Variants in DNAH8 observed in about 807,000 individuals in gnomAD.
DNAH8 encodes dynein axonemal heavy chain 8.
A neutral mutation model predicts 562.1 loss-of-function variants in DNAH8; 382 were observed. The ratio of observed to expected loss-of-function variants is 0.68; its 90% CI spans 0.63 to 0.74. The LOEUF is 0.74. Among genes scored for constraint, DNAH8 ranks in the 30% least tolerant of loss-of-function variants. DNAH8 has a pLI of 0.00. For synonymous variants in DNAH8, 1,881 were observed against 1,919.4 expected (o/e 0.98, Z 0.52); for missense variants, 5,203 against 5,620.4 (o/e 0.93, Z 2.37).
intron 3 of DNAH8, among the ~76,000 whole-genome samples, chr6:38,726,885 T>C (rs113468981): frequency 0.19 from 24,219 of 128,002 alleles, 2,635 homozygotes; most frequent in Middle Eastern, 0.26. Context: ...TGAGACAGAG[T>C]CTTCCTCTGT....
At chr6:38,956,285 G>A (rs984005211) in intron 82 of DNAH8, among the ~76,000 whole-genome samples, 2 of 152,056 alleles carry the variant, frequency 1.3e-5, no homozygotes, top group African/African-American at 4.8e-5. Flanking sequence ...TGCAGTCAGG[G>A]AACTATCCTA....
Position 39,026,658 on chromosome 6 carries a change from ACCCCCTGGGG to A in DNAH8, c.13828_13836+1del, listed in dbSNP as rs1221465589. ...GACAGACCAAGGAGGAGATCACGTC[ACCCCCTGGGG>A]TAGGCGTTGCTGGGCAATAGCAGGG... On this transcript the variant is annotated splice_donor_variant and coding_sequence_variant, in exon 92 of 93. Transcript: ENST00000327475. LOFTEE classifies it high-confidence loss of function. The A allele has an allele frequency of 6.2e-7, 1 of 1,613,142 alleles. No homozygotes were observed. The highest frequency in any genetic ancestry group is 1.3e-5 in the African/African-American group (1 of 74,872).
chr6:38,816,067 A>G (rs199975019), intron 26 of DNAH8, among the ~76,000 whole-genome samples: 1 of 40,440 alleles, frequency 2.5e-5, no homozygotes, highest in Non-Finnish European at 4.4e-5. Flanking sequence ...ATTTTGTTTT[A>G]TTTTATTTTA....
At chr6:38,894,672 C>G (rs201831553) in intron 58 of DNAH8, 29 bp from the exon 59 acceptor site, 1 of 1,581,082 alleles carries the variant, frequency 6.3e-7, no homozygotes, top group Non-Finnish European at 8.7e-7. Context: ...TGAAAACTAA[C>G]TGAGAGTATT....
rs78261204 is a variant in DNAH8 at position 38,969,532 on chromosome 6, G to C, written c.12452-2060G>C. On this transcript the variant is annotated intron_variant, in intron 82 of 92. Coordinates refer to ENST00000327475, the MANE Select transcript of DNAH8 (RefSeq NM_001206927.2). ...AGGTGTGCCGTTTTAGATAGAACAA[G>C]GTCCGTCAGGAAAGTCTTGCTGACA... Among the ~76,000 whole-genome samples, 892 of 152,194 alleles carry C rather than the reference G, an allele frequency of 5.9e-3. 9 individuals are homozygous for C. Among genetic ancestry groups the C allele is most frequent in the African/African-American group, 0.02 (848 of 41,510 alleles).
intron 82 of DNAH8, among the ~76,000 whole-genome samples, chr6:38,968,532 TA>T (rs1247296135): frequency 1.3e-5 from 2 of 152,144 alleles, no homozygotes; most frequent in East Asian, 3.8e-4. Context: ...CATGAAAAGA[TA>T]CTCAGCTTTG....
At chr6:38,956,214 A>G (rs917831326) in intron 82 of DNAH8, among the ~76,000 whole-genome samples, 53 of 152,340 alleles carry the variant, frequency 3.5e-4, no homozygotes, top group African/African-American at 1.2e-3. Context: ...TGAAGGGCTC[A>G]TCAACCTCTG....
chr6:38,969,453 G>A (rs1376946279), intron 82 of DNAH8, among the ~76,000 whole-genome samples: 1 of 152,110 alleles, frequency 6.6e-6, no homozygotes, highest in African/African-American at 2.4e-5. Context: ...AATATCCTAA[G>A]AAGAAAAGTA....
intron 85 of DNAH8, among the ~76,000 whole-genome samples, chr6:38,975,192 A>G (rs904034986): frequency 2.0e-5 from 3 of 152,222 alleles, no homozygotes; most frequent in East Asian, 3.8e-4. Flanking sequence ...TTTTATGATT[A>G]CCAAGCAACT....
At chr6:38,819,142 CTT>C (rs1583090672) in intron 26 of DNAH8, among the ~76,000 whole-genome samples, 1 of 152,218 alleles carries the variant, frequency 6.6e-6, no homozygotes, top group East Asian at 1.9e-4. Flanking sequence ...CCCAGAGACT[CTT>C]TTCTTGTAGG....
Position 38,729,973 on chromosome 6 carries a change from T to G in DNAH8, c.597T>G (p.Asp199Glu). 6.4e-7 allele frequency: 1 copy of G among 1,572,478 alleles called. No homozygotes were observed. Among genetic ancestry groups the G allele is most frequent in the South Asian group, 1.1e-5 (1 of 88,668 alleles). Residue 199 changes from aspartate to glutamate, a missense_variant, in exon 4 of 93, where the codon GAT becomes GAG. Physicochemically the swap from Asp to Glu is conservative, Grantham distance 45. Around this residue, in one of 6 missense-constraint regions of DNAH8, gnomAD observed 556 missense variants for 496.9 expected, o/e 1.12. Transcript: ENST00000327475. The stretch of plus-strand genomic sequence containing the variant: ...TGAAATTTTTGTACCAAGAAGGAGA[T>G]GTACCTGGTATTGGTAAGAATTTTC... ...KTLKFLYQEGDVPGIECGRTI... is the reference protein window; with the variant it reads ...KTLKFLYQEGEVPGIECGRTI...
chr6:38,860,956 C>T (rs1218256218), intron 43 of DNAH8, among the ~76,000 whole-genome samples: 2 of 152,100 alleles, frequency 1.3e-5, no homozygotes, highest in African/African-American at 4.8e-5. Context: ...CCTTGGAGAT[C>T]ATTTAATTTA....
At chr6:38,974,747 A>G (rs775453694) in intron 85 of DNAH8, among the ~76,000 whole-genome samples, 8 of 152,162 alleles carry the variant, frequency 5.3e-5, no homozygotes, top group Non-Finnish European at 1.0e-4. Context: ...GGAATGTAAG[A>G]TTCTCCAGGG....
intron 91 of DNAH8, among the ~76,000 whole-genome samples, chr6:39,014,617 A>T (rs531483635): frequency 1.3e-5 from 2 of 152,304 alleles, no homozygotes; most frequent in East Asian, 3.9e-4. Flanking sequence ...GGACAGAGAG[A>T]TTAATTCTGC....
chr6:39,020,586 T>C (rs1321703308), intron 91 of DNAH8, among the ~76,000 whole-genome samples: 1 of 152,224 alleles, frequency 6.6e-6, no homozygotes. Context: ...TACATAAGTA[T>C]ACATGTGTCA....
intron 26 of DNAH8, among the ~76,000 whole-genome samples, chr6:38,817,687 A>G (rs1221808343): frequency 3.3e-5 from 5 of 152,174 alleles, no homozygotes; most frequent in Non-Finnish European, 4.4e-5. Flanking sequence ...TGAAGCAAAG[A>G]TATACATGGA....
chr6:38,987,366 G>T (rs1162030819), intron 87 of DNAH8, among the ~76,000 whole-genome samples: 1 of 152,162 alleles, frequency 6.6e-6, no homozygotes, highest in Admixed American at 6.5e-5. Context: ...GAGGACTAGT[G>T]AGCTGACTTC....
At chr6:38,738,790 C>G (rs143845246) in intron 7 of DNAH8, among the ~76,000 whole-genome samples, 14 of 152,268 alleles carry the variant, frequency 9.2e-5, no homozygotes, top group African/African-American at 2.6e-4. Flanking sequence ...GTCTAGAGTG[C>G]TGGCCACAGC....
At chr6:38,882,017 G>C (rs1178996383) in intron 53 of DNAH8, among the ~76,000 whole-genome samples, 5 of 152,268 alleles carry the variant, frequency 3.3e-5, no homozygotes, top group African/African-American at 1.2e-4. Flanking sequence ...GGTTTCTCCA[G>C]ATGGGTGAGT....
Sources: allele counts gnomAD v4.1 joint callset (sites outside exome capture counted in the v4.1 genomes callset), GRCh38; gene constraint gnomAD v4.1.1; regional missense constraint gnomAD v4.1.1; transcripts MANE v1.5; gene names NCBI Gene and HGNC (gene_info 2026-07-23, HGNC 2026-07-21).